Variants in ST3GAL3 observed in about 807,000 individuals in gnomAD.
The protein encoded by ST3GAL3 is ST3 beta-galactoside alpha-2,3-sialyltransferase 3.
ST3GAL3 carries 21 observed loss-of-function variants against 50.1 expected under a neutral mutation model. The observed-to-expected ratio is 0.42, with a 90% CI of 0.30 to 0.60. The LOEUF (loss-of-function observed/expected upper bound fraction) is 0.60. Ranked by LOEUF, ST3GAL3 falls within the 20% of genes least tolerant of loss-of-function variation. The probability of loss-of-function intolerance (pLI) is 0.19; values close to 1 mark genes in which losing one functional copy is unlikely to be tolerated. For missense variants in ST3GAL3, 353 were observed against 489.4 expected, an observed-to-expected ratio of 0.72 and a Z score of 2.63; for synonymous variants, 183 against 190.0, an observed-to-expected ratio of 0.96 and a Z score of 0.30.
chr1:43,918,675 T>G (rs894284815), intron 9 of ST3GAL3, among the ~76,000 whole-genome samples: 1 of 152,202 alleles, frequency 6.6e-6, no homozygotes, highest in African/African-American at 2.4e-5. Flanking sequence ...GAGGGTGTTA[T>G]GTTTACCTGA....
At chr1:43,829,995 CTTTTTTTTTTTTTTTT>C (rs71579312) in intron 4 of ST3GAL3, among the ~76,000 whole-genome samples, 27 of 70,132 alleles carry the variant, frequency 3.8e-4, no homozygotes, top group Admixed American at 1.6e-3. Context: ...ATAAAAATTC[CTTTTTTTTTTTTTTTT>C]TTTTTTTTTT....
chr1:43,795,935 T>G (rs2058641003), intron 3 of ST3GAL3, among the ~76,000 whole-genome samples: 1 of 152,050 alleles, frequency 6.6e-6, no homozygotes, highest in Non-Finnish European at 1.5e-5. Context: ...ACCCCAGCAA[T>G]GGACACCAAG....
chr1:43,778,627 ATTTCT>A (rs1280914741), intron 2 of ST3GAL3, among the ~76,000 whole-genome samples: 2 of 147,756 alleles, frequency 1.4e-5, no homozygotes. Flanking sequence ...AGGCATCCAG[ATTTCT>A]TTTCTTTTTT....
chr1:43,852,087 C>G (rs531079681), intron 5 of ST3GAL3, among the ~76,000 whole-genome samples: 3 of 152,198 alleles, frequency 2.0e-5, no homozygotes, highest in Non-Finnish European at 4.4e-5. Flanking sequence ...AAGGAGCAGG[C>G]AGTGTAAAGG....
chr1:43,928,506 A>G (rs2084420849), intron 11 of ST3GAL3, among the ~76,000 whole-genome samples: 1 of 152,200 alleles, frequency 6.6e-6, no homozygotes, highest in South Asian at 2.1e-4. Flanking sequence ...TGACTGAGGC[A>G]GGAGAATCCC....
At chr1:43,711,523 C>T (rs1442398727) in intron 1 of ST3GAL3, among the ~76,000 whole-genome samples, 1 of 152,246 alleles carries the variant, frequency 6.6e-6, no homozygotes, top group African/African-American at 2.4e-5. Flanking sequence ...ACTACCTCAT[C>T]TGGGGTATCA....
chr1:43,850,275 G>A, intron 5 of ST3GAL3: 1 of 478,852 alleles, frequency 2.1e-6, no homozygotes, highest in Non-Finnish European at 4.0e-6. Context: ...GGCACCAGGT[G>A]CATCCAGGGT....
chr1:43,808,461 G>A (rs951765255), intron 3 of ST3GAL3, among the ~76,000 whole-genome samples: 4 of 151,816 alleles, frequency 2.6e-5, no homozygotes, highest in African/African-American at 4.8e-5. Flanking sequence ...AAGGAGAAAC[G>A]ACTGAGAAAA....
chr1:43,777,200 T>A (rs550994839), intron 2 of ST3GAL3, among the ~76,000 whole-genome samples: 46 of 152,290 alleles, frequency 3.0e-4, no homozygotes, highest in African/African-American at 9.4e-4. Flanking sequence ...CGATCTTTTT[T>A]AAAAAAGCCA....
chr1:43,767,997 A>G (rs568144479), intron 2 of ST3GAL3, among the ~76,000 whole-genome samples: 2 of 152,310 alleles, frequency 1.3e-5, no homozygotes, highest in South Asian at 4.1e-4. Context: ...TGTAGAGCAC[A>G]TTAAACCCAA....
intron 1 of ST3GAL3, among the ~76,000 whole-genome samples, chr1:43,733,348 C>A (rs559341535): frequency 6.6e-6 from 1 of 152,212 alleles, no homozygotes; most frequent in Non-Finnish European, 1.5e-5. Context: ...CTGAGTCTCA[C>A]CTGCTTCTCA....
At chr1:43,804,889 G>A in intron 3 of ST3GAL3, among the ~76,000 whole-genome samples, 1 of 152,102 alleles carries the variant, frequency 6.6e-6, no homozygotes, top group East Asian at 1.9e-4. Context: ...CACTGCAAGG[G>A]GTGGAGGAAG....
intron 5 of ST3GAL3, among the ~76,000 whole-genome samples, chr1:43,857,572 T>C (rs3952787): frequency 0.26 from 20,792 of 80,418 alleles, 5,597 homozygotes; most frequent in East Asian, 0.35. Context: ...TCCTTCTTTC[T>C]TTCCTTCCTC....
At chr1:43,890,680 C>A (rs1470759189) in intron 5 of ST3GAL3, among the ~76,000 whole-genome samples, 1 of 151,928 alleles carries the variant, frequency 6.6e-6, no homozygotes, top group East Asian at 1.9e-4. Flanking sequence ...TCAAGACCAC[C>A]CTGGGCAACA....
At chr1:43,909,980 G>A (rs1557485951) in intron 9 of ST3GAL3, among the ~76,000 whole-genome samples, 2 of 152,222 alleles carry the variant, frequency 1.3e-5, no homozygotes, top group Admixed American at 6.5e-5. Flanking sequence ...TATCCTACAT[G>A]ATGCTGCCAA....
chr1:43,897,910 C>T (rs950755081), intron 6 of ST3GAL3, among the ~76,000 whole-genome samples: 2 of 152,144 alleles, frequency 1.3e-5, no homozygotes, highest in Non-Finnish European at 2.9e-5. Flanking sequence ...CAGGGAAGGC[C>T]CTGGCCTGGG....
intron 6 of ST3GAL3, among the ~76,000 whole-genome samples, chr1:43,895,610 G>T (rs2077282703): frequency 6.6e-6 from 1 of 152,098 alleles, no homozygotes; most frequent in African/African-American, 2.4e-5. Context: ...ATATCATTTG[G>T]CCAGGAGACT....
chr1:43,863,117 C>T (rs2070419771), intron 5 of ST3GAL3, among the ~76,000 whole-genome samples: 1 of 152,188 alleles, frequency 6.6e-6, no homozygotes, highest in East Asian at 1.9e-4. Flanking sequence ...TTTTAAAAAA[C>T]GCAGGCATGG....
At chr1:43,920,172 T>G in intron 9 of ST3GAL3, 1 of 583,464 alleles carries the variant, frequency 1.7e-6, no homozygotes, top group Non-Finnish European at 3.1e-6. Flanking sequence ...CGTATCCTCC[T>G]CTGTTACACA....
Sources: gnomAD v4.1 joint callset for allele counts (sites outside exome capture counted in the v4.1 genomes callset) on GRCh38, gnomAD v4.1.1 for gene constraint, MANE v1.5 for transcripts, NCBI Gene and HGNC (gene_info 2026-07-23, HGNC 2026-07-21) for gene names.